The following RAP1GAP2 variants were observed in gnomAD, a reference collection of about 807,000 sequenced individuals.
RAP1GAP2 encodes the protein rap1 GTPase-activating protein 2.
In RAP1GAP2, 27 loss-of-function variants were observed where a neutral mutation model predicts 95.0. That is an observed-to-expected ratio of 0.28 (90% CI 0.21 to 0.39). RAP1GAP2 has a LOEUF of 0.39. RAP1GAP2 is among the 10% of genes least tolerant of loss of function. The pLI, the probability that RAP1GAP2 is intolerant of heterozygous loss-of-function variation, is 1.00. For synonymous variants in RAP1GAP2, 373 were observed against 380.9 expected (o/e 0.98, Z 0.24); for missense variants, 771 against 970.0 (o/e 0.79, Z 2.72).
chr17:2,851,036 G>T (rs2151593152), intron 2 of RAP1GAP2, among the ~76,000 whole-genome samples: 1 of 151,960 alleles, frequency 6.6e-6, no homozygotes, highest in East Asian at 1.9e-4. Context: ...CTCCAGCCTG[G>T]GCGACGAGCA....
intron 1 of RAP1GAP2, among the ~76,000 whole-genome samples, chr17:2,780,753 A>G (rs2068627360): frequency 1.3e-5 from 2 of 152,238 alleles, no homozygotes; most frequent in South Asian, 4.1e-4. Flanking sequence ...CGATCTCTGC[A>G]ATTTGTTTTT....
At chr17:2,843,567 G>A (rs1394714372) in intron 2 of RAP1GAP2, among the ~76,000 whole-genome samples, 1 of 151,916 alleles carries the variant, frequency 6.6e-6, no homozygotes, top group East Asian at 1.9e-4. Context: ...GATTACAGGT[G>A]TGAGCCACCG....
intron 1 of RAP1GAP2, among the ~76,000 whole-genome samples, chr17:2,770,091 AAAAG>A (rs1408288307): frequency 3.3e-5 from 5 of 150,490 alleles, no homozygotes; most frequent in South Asian, 2.1e-4. Context: ...AAAAAAAAAA[AAAAG>A]AAGAAGAAAG....
chr17:2,821,373 C>CTTTT (rs10566772), intron 2 of RAP1GAP2, among the ~76,000 whole-genome samples: 2 of 118,544 alleles, frequency 1.7e-5, no homozygotes, highest in Admixed American at 9.8e-5. Context: ...TTCTTTACAC[C>CTTTT]TTTTTTTTTT....
At chr17:2,840,672 A>G (rs1229332521) in intron 2 of RAP1GAP2, among the ~76,000 whole-genome samples, 1 of 151,992 alleles carries the variant, frequency 6.6e-6, no homozygotes, top group African/African-American at 2.4e-5. Flanking sequence ...CCTTCTATTT[A>G]TGAGAAATGA....
intron 2 of RAP1GAP2, among the ~76,000 whole-genome samples, chr17:2,849,923 T>A (rs1017715133): frequency 2.0e-5 from 3 of 152,014 alleles, no homozygotes; most frequent in African/African-American, 7.3e-5. Flanking sequence ...CTGTCCGTTC[T>A]CTTTCGAACT....
chr17:2,843,003 G>A (rs769758023), intron 2 of RAP1GAP2, among the ~76,000 whole-genome samples: 4 of 152,124 alleles, frequency 2.6e-5, no homozygotes, highest in African/African-American at 9.7e-5. Context: ...CTGAGTGTGG[G>A]GTAGGGCGAT....
chr17:2,953,102 C>T (rs1384565871), intron 3 of RAP1GAP2, among the ~76,000 whole-genome samples: 2 of 151,832 alleles, frequency 1.3e-5, no homozygotes, highest in East Asian at 1.9e-4. Context: ...CACCACTGCA[C>T]CAGACCCCTC....
intron 1 of RAP1GAP2, among the ~76,000 whole-genome samples, chr17:2,760,265 C>A (rs1236623945): frequency 7.7e-6 from 1 of 129,144 alleles, no homozygotes; most frequent in Non-Finnish European, 1.6e-5. Context: ...TGCACTCCAA[C>A]CTGGGGGACA....
At chr17:2,884,516 G>T (rs2073417702) in intron 2 of RAP1GAP2, among the ~76,000 whole-genome samples, 1 of 151,770 alleles carries the variant, frequency 6.6e-6, no homozygotes, top group Admixed American at 6.6e-5. Flanking sequence ...GGGACTACAG[G>T]CGTGCACCAC....
Position 3,016,439 on chromosome 17 carries a change from G to A in RAP1GAP2, c.1495-1622G>A, listed in dbSNP as rs77896134. 7.7e-3 allele frequency among the ~76,000 whole-genome samples: 1,179 copies of A among 152,362 alleles called. 16 individuals carry two copies. Among genetic ancestry groups the A allele is most frequent in the African/African-American group, 0.027 (1,127 of 41,596 alleles). ...AGCAGAGGTGTTGATACTTGTATGT[G>A]AACAACAGATAATATTCGTGTCCAG... On this transcript the variant is annotated intron_variant, in intron 17 of 24. Coordinates refer to ENST00000254695, the MANE Select transcript of RAP1GAP2 (RefSeq NM_015085.5).
chr17:2,876,754 G>C (rs781266528), intron 2 of RAP1GAP2, among the ~76,000 whole-genome samples: 1 of 152,158 alleles, frequency 6.6e-6, no homozygotes, highest in Non-Finnish European at 1.5e-5. Flanking sequence ...GAGAGCATAA[G>C]GAGGCATGTC....
At chr17:2,839,225 C>T (rs2071270472) in intron 2 of RAP1GAP2, among the ~76,000 whole-genome samples, 1 of 151,972 alleles carries the variant, frequency 6.6e-6, no homozygotes, top group Non-Finnish European at 1.5e-5. Flanking sequence ...ATCACTTGAA[C>T]CCAGGAGGCA....
chr17:2,928,409 G>C (rs1043480283), intron 3 of RAP1GAP2, among the ~76,000 whole-genome samples: 4 of 152,014 alleles, frequency 2.6e-5, no homozygotes, highest in Non-Finnish European at 5.9e-5. Context: ...CCTCTGTTTC[G>C]TCCTGACAAA....
chr17:3,012,820 ATGC>A (rs1471560637), intron 17 of RAP1GAP2, among the ~76,000 whole-genome samples: 3 of 152,104 alleles, frequency 2.0e-5, no homozygotes, highest in Non-Finnish European at 4.4e-5. Flanking sequence ...TGTTTGAACG[ATGC>A]TGATCTCTAG....
intron 2 of RAP1GAP2, among the ~76,000 whole-genome samples, chr17:2,841,602 G>A (rs1273182620): frequency 2.0e-5 from 3 of 151,980 alleles, no homozygotes; most frequent in Non-Finnish European, 4.4e-5. Context: ...CACCGTGCCC[G>A]GCCGATTTGG....
At chr17:2,887,075 T>A (rs985287803) in intron 2 of RAP1GAP2, among the ~76,000 whole-genome samples, 1 of 145,278 alleles carries the variant, frequency 6.9e-6, no homozygotes, top group Non-Finnish European at 1.5e-5. Context: ...CGAATAATAG[T>A]TTTTTTTTTT....
At chr17:2,814,519 G>C (rs1054902127) in intron 2 of RAP1GAP2, among the ~76,000 whole-genome samples, 5 of 152,116 alleles carry the variant, frequency 3.3e-5, no homozygotes, top group Admixed American at 3.3e-4. Context: ...GTGCCCCTGG[G>C]GCAGCCGGAA....
chr17:2,801,643 G>GTGTGTT (rs2069302435), intron 2 of RAP1GAP2, among the ~76,000 whole-genome samples: 1 of 130,396 alleles, frequency 7.7e-6, no homozygotes, highest in African/African-American at 2.8e-5. Context: ...GTGTGTGTGT[G>GTGTGTT]TGTGTGATGT....
Sources: gnomAD v4.1 joint callset for allele counts (sites outside exome capture counted in the v4.1 genomes callset) on GRCh38, gnomAD v4.1.1 for gene constraint, MANE v1.5 for transcripts, NCBI Gene and HGNC (gene_info 2026-07-23, HGNC 2026-07-21) for gene names.